EXOC2: variants seen among roughly 807,000 people sequenced by gnomAD.
EXOC2 encodes the protein SEC5-like 1.
In EXOC2, 70 loss-of-function variants were observed where a neutral mutation model predicts 131.8. The ratio of observed to expected loss-of-function variants is 0.53; its 90% CI spans 0.44 to 0.65. The LOEUF (loss-of-function observed/expected upper bound fraction) is 0.65, where lower values mean the gene tolerates loss of function less well. EXOC2 is among the 30% of genes least tolerant of loss of function. The pLI, the probability that EXOC2 is intolerant of heterozygous loss-of-function variation, is 0.00. For synonymous variants in EXOC2, 411 were observed against 398.4 expected (o/e 1.03, Z -0.38); for missense variants, 923 against 1,108.6 (o/e 0.83, Z 2.38).
Position 656,694 on chromosome 6 carries a change from G to C in EXOC2, c.-43-18833C>G, listed in dbSNP as rs146735242. 370 of 1,605,640 alleles carry C rather than the reference G, an allele frequency of 2.3e-4. No homozygotes were observed. In the African/African-American group the frequency reaches 4.0e-3, roughly 17 times the overall value. ...TCTCGCCGCCCGGGACAGGTGCTCC[G>C]CCGTCAGCTCCAGGTGGATCTCATC... On this transcript the variant is annotated intron_variant, in intron 1 of 27. Coordinates refer to ENST00000230449, the MANE Select transcript of EXOC2 (RefSeq NM_018303.6).
Position 513,548 on chromosome 6 carries a change from T to C in EXOC2, c.2381-13848A>G, listed in dbSNP as rs148713901. 5.6e-3 allele frequency among the ~76,000 whole-genome samples: 856 copies of C among 152,354 alleles called. 7 individuals are homozygous for C. The highest frequency in any genetic ancestry group is 6.8e-3 in the Non-Finnish European group (460 of 68,038). On this transcript the variant is annotated intron_variant, in intron 23 of 27. Coordinates refer to ENST00000230449, the MANE Select transcript of EXOC2 (RefSeq NM_018303.6). ...AGCTTTTGTGATTCCATAAAACCTC[T>C]TATTAAATTCCTTCAATACACAAAC... is the stretch of plus-strand genomic sequence containing the variant.
At chr6:547,881 T>C (rs1756947015) in intron 22 of EXOC2, among the ~76,000 whole-genome samples, 2 of 152,200 alleles carry the variant, frequency 1.3e-5, no homozygotes, top group Admixed American at 1.3e-4. Flanking sequence ...TTAATTTAAT[T>C]CTACTTCTTA....
intron 23 of EXOC2, among the ~76,000 whole-genome samples, chr6:508,582 A>G (rs913234936): frequency 5.3e-5 from 8 of 152,348 alleles, no homozygotes; most frequent in South Asian, 2.1e-4. Flanking sequence ...ACTTAGTAAC[A>G]TGCATTTAAG....
intron 22 of EXOC2, among the ~76,000 whole-genome samples, chr6:536,569 G>A (rs746760517): frequency 9.2e-4 from 140 of 151,976 alleles, no homozygotes; most frequent in Non-Finnish European, 1.4e-3. Flanking sequence ...ATATATAAAT[G>A]GAAAGGACCT....
intron 23 of EXOC2, among the ~76,000 whole-genome samples, chr6:516,675 C>G (rs1280094336): frequency 1.3e-5 from 2 of 152,238 alleles, no homozygotes; most frequent in African/African-American, 2.4e-5. Context: ...GAAGAGGATG[C>G]CAAGACGGTA....
chr6:553,499 G>A (rs140459284), intron 21 of EXOC2, among the ~76,000 whole-genome samples: 46 of 152,064 alleles, frequency 3.0e-4, no homozygotes, highest in Non-Finnish European at 6.0e-4. Flanking sequence ...TACTCTGGTT[G>A]AAGAGGCAGG....
At chr6:682,923 G>A (rs1437659010) in intron 1 of EXOC2, among the ~76,000 whole-genome samples, 1 of 151,644 alleles carries the variant, frequency 6.6e-6, no homozygotes, top group African/African-American at 2.4e-5. Flanking sequence ...AAGAAATACA[G>A]GATGGTATCA....
At chr6:553,587 T>C (rs1757263561) in intron 21 of EXOC2, among the ~76,000 whole-genome samples, 1 of 152,254 alleles carries the variant, frequency 6.6e-6, no homozygotes, top group Non-Finnish European at 1.5e-5. Flanking sequence ...CCAGGAACTA[T>C]AAGGGCACCC....
At chr6:572,823 C>A (rs1243966751) in intron 12 of EXOC2, among the ~76,000 whole-genome samples, 179 bp from the exon 13 acceptor site, 1 of 152,238 alleles carries the variant, frequency 6.6e-6, no homozygotes, top group Non-Finnish European at 1.5e-5. Flanking sequence ...CGCTCGTCAC[C>A]AGACACCCCC....
intron 1 of EXOC2, among the ~76,000 whole-genome samples, chr6:647,558 T>C (rs1265602957): frequency 1.5e-5 from 2 of 137,150 alleles, no homozygotes; most frequent in African/African-American, 5.5e-5. Context: ...GAGTCTAGTA[T>C]CCTCTTCCTT....
intron 6 of EXOC2, among the ~76,000 whole-genome samples, chr6:610,664 T>C (rs1201828163): frequency 3.9e-5 from 6 of 152,212 alleles, no homozygotes; most frequent in Non-Finnish European, 5.9e-5. Flanking sequence ...ATCTGAAACA[T>C]TGCTGGGTCC....
intron 1 of EXOC2, among the ~76,000 whole-genome samples, chr6:654,803 CAAAAAAAAAAAAAAAAAAAAA>C (rs66637987): frequency 1.7e-4 from 5 of 29,578 alleles, no homozygotes; most frequent in African/African-American, 4.8e-4. Context: ...GACCCTGTCT[CAAAAAAAAAAAAAAAAAAAAA>C]AAAAAAAAAA....
rs118099794 is a variant in EXOC2, at chr6:668,906, T to A, written c.-44+24113A>T. On this transcript the variant is annotated intron_variant, in intron 1 of 27. Transcript: ENST00000230449. ...TTTTTATTGCTGCATTGTTTTTTTC[T>A]GAATATTTTCCATCTGTGATTGGTT... is the stretch of plus-strand genomic sequence containing the variant. Among the ~76,000 whole-genome samples the A allele has an allele frequency of 5.5e-4, 84 of 152,374 alleles. 1 individual carries two copies. In the East Asian group the frequency reaches 0.013, roughly 23 times the overall value.
At position 553,854 on chromosome 6, in the gene EXOC2, T is replaced by C. The variant is rs374931157; in HGVS notation, c.2121A>G (p.Ser707=). ...ACTTTCTAGTTATCGTCTGACTTACTGAGGTCAAGCTGAAGTCTTCATGGA... is the reference window on the plus strand; with the variant it reads ...ACTTTCTAGTTATCGTCTGACTTACCGAGGTCAAGCTGAAGTCTTCATGGA... ...GSIHEDFSLT[S]EQRLLIVLSN... is the part of the protein sequence containing the mutation. Residue 707 remains serine (S), a splice_region_variant and synonymous_variant, in exon 21 of 28, where the codon TCA becomes TCG. Coordinates refer to ENST00000230449, the MANE Select transcript of EXOC2 (RefSeq NM_018303.6). 2.5e-6 allele frequency: 4 copies of C among 1,612,880 alleles called. No homozygotes were observed. The South Asian group carries it at 3.3e-5, about 13-fold the overall frequency.
intron 1 of EXOC2, among the ~76,000 whole-genome samples, chr6:666,423 G>A (rs747884242): frequency 6.4e-5 from 2 of 31,064 alleles, no homozygotes; most frequent in Non-Finnish European, 9.8e-5. Context: ...TTCAAAAACT[G>A]GTCAGCATCC....
chr6:522,235 C>G (rs1765506974), intron 23 of EXOC2, among the ~76,000 whole-genome samples: 1 of 151,960 alleles, frequency 6.6e-6, no homozygotes. Flanking sequence ...AATGATGGTA[C>G]AGCAAGGTGT....
intron 22 of EXOC2, among the ~76,000 whole-genome samples, chr6:544,584 C>T (rs1272338106): frequency 6.6e-6 from 1 of 152,104 alleles, no homozygotes; most frequent in Non-Finnish European, 1.5e-5. Context: ...GAAAATGAAA[C>T]ACATATATAT....
At position 682,399 on chromosome 6, in the gene EXOC2, T is replaced by A. The variant is rs561305950; in HGVS notation, c.-44+10620A>T. On this transcript the variant is annotated intron_variant, in intron 1 of 27. Coordinates refer to ENST00000230449, the MANE Select transcript of EXOC2 (RefSeq NM_018303.6). Reference sequence around the variant, plus strand: ...GTATTTTTAGTAGAGACAGGGTTTCTCTGTGTTAGCCAGGATGGTCTAGAT... The same window carrying A: ...GTATTTTTAGTAGAGACAGGGTTTCACTGTGTTAGCCAGGATGGTCTAGAT... Among the ~76,000 whole-genome samples the A allele has an allele frequency of 1.3e-3, 194 of 152,038 alleles. 2 individuals are homozygous for A. The East Asian group carries it at 0.031, about 25-fold the overall frequency.
chr6:548,017 C>T (rs1363952703), intron 22 of EXOC2, among the ~76,000 whole-genome samples: 6 of 152,140 alleles, frequency 3.9e-5, no homozygotes, highest in Non-Finnish European at 4.4e-5. Context: ...TAACATTTCT[C>T]CAATAAATAT....
Sources: gnomAD v4.1 joint callset for allele counts (sites outside exome capture counted in the v4.1 genomes callset) on GRCh38, gnomAD v4.1.1 for gene constraint, MANE v1.5 for transcripts, NCBI Gene and HGNC (gene_info 2026-07-23, HGNC 2026-07-21) for gene names.